Variants in PHF21B observed in about 807,000 individuals in gnomAD.
PHF21B encodes PHD finger protein 4.
In PHF21B, 22 loss-of-function variants were observed where a neutral mutation model predicts 62.2. The observed-to-expected ratio is 0.35, with a 90% CI of 0.25 to 0.51. The LOEUF (loss-of-function observed/expected upper bound fraction) is 0.51. Ranked by LOEUF, PHF21B falls within the 20% of genes least tolerant of loss-of-function variation. The pLI, the probability that PHF21B is intolerant of heterozygous loss-of-function variation, is 0.97. For synonymous variants in PHF21B, 341 were observed against 314.7 expected (o/e 1.08, Z -0.88); for missense variants, 701 against 707.9 (o/e 0.99, Z 0.11).
chr22:44,910,497 T>C (rs567342943), intron 5 of PHF21B, among the ~76,000 whole-genome samples: 10 of 152,280 alleles, frequency 6.6e-5, no homozygotes, highest in South Asian at 4.1e-4. Flanking sequence ...TGGGAGGTAA[T>C]TGAATCATGG....
chr22:44,940,702 A>C (rs1225191698), intron 2 of PHF21B, among the ~76,000 whole-genome samples: 1 of 152,232 alleles, frequency 6.6e-6, no homozygotes, highest in Non-Finnish European at 1.5e-5. Flanking sequence ...TTCCCCACCT[A>C]GAAGGCGAAG....
At chr22:45,008,899 CGAGT>C (rs552975270) in intron 1 of PHF21B, 189 of 1,166,536 alleles carry the variant, frequency 1.6e-4, no homozygotes, top group Admixed American at 9.8e-4. Context: ...GGTGCGTGTG[CGAGT>C]GAGTGTGAGT....
In PHF21B at chr22:44,893,524, C is replaced by T; in HGVS notation, c.893G>A (p.Ser298Asn). The change falls in exon 7 of 13, where the codon AGC becomes AAC. Residue 298 changes from serine to asparagine, a missense_variant. Physicochemically the swap from Ser to Asn is conservative, Grantham distance 46 (BLOSUM62 1). Coordinates refer to ENST00000313237, the MANE Select transcript of PHF21B (RefSeq NM_138415.5). ...VTTEHLEEIQ[S>N]KRQERKRRST... The stretch of plus-strand genomic sequence containing the variant: ...TCTTCTCTTCCGCTCCTGTCGCTTG[C>T]TCTGGATTTCTGGAAAGGCACAGAC... 6.2e-7 allele frequency: 1 copy of T among 1,600,640 alleles called. No homozygotes were observed. Among genetic ancestry groups the T allele is most frequent in the South Asian group, 1.1e-5 (1 of 88,460 alleles).
chr22:44,899,876 A>G (rs1469505612), intron 5 of PHF21B, among the ~76,000 whole-genome samples: 1 of 152,204 alleles, frequency 6.6e-6, no homozygotes, highest in Non-Finnish European at 1.5e-5. Flanking sequence ...TATTGTCTGC[A>G]GCTTTTTCAG....
At chr22:44,983,637 A>AT (rs2147482180) in intron 2 of PHF21B, among the ~76,000 whole-genome samples, 1 of 152,348 alleles carries the variant, frequency 6.6e-6, no homozygotes, top group East Asian at 1.9e-4. Flanking sequence ...TTTAAAAGAC[A>AT]TAAGTTTGAA....
chr22:44,937,233 C>T (rs776635954), intron 2 of PHF21B, among the ~76,000 whole-genome samples: 5 of 152,186 alleles, frequency 3.3e-5, no homozygotes, highest in Non-Finnish European at 5.9e-5. Flanking sequence ...CATCAAAACA[C>T]ACCCAGACAA....
chr22:44,917,345 T>G (rs547769938), intron 3 of PHF21B, among the ~76,000 whole-genome samples: 96 of 152,254 alleles, frequency 6.3e-4, no homozygotes, highest in African/African-American at 2.1e-3. Flanking sequence ...GCACAGGAAG[T>G]GCTGGGTGTA....
Position 44,990,132 on chromosome 22 carries a change from G to A in PHF21B, c.120+18413C>T, listed in dbSNP as rs571137412. Among the ~76,000 whole-genome samples, 170 of 152,284 alleles carry A rather than the reference G, an allele frequency of 1.1e-3. 2 individuals are homozygous for A. The highest frequency in any genetic ancestry group is 4.0e-3 in the African/African-American group (168 of 41,566). ...AGCAGAGAGGCACTCAAATTCCCTG[G>A]CAGGATGTGATATCAAAACCATGGC... On this transcript the variant is annotated intron_variant, in intron 2 of 12. Coordinates refer to ENST00000313237, the MANE Select transcript of PHF21B (RefSeq NM_138415.5).
At chr22:44,991,229 G>A (rs559127346) in intron 2 of PHF21B, among the ~76,000 whole-genome samples, 136 of 152,310 alleles carry the variant, frequency 8.9e-4, no homozygotes, top group African/African-American at 3.0e-3. Flanking sequence ...AGGCAAAAAA[G>A]CTTGATGTGC....
At chr22:44,914,354 C>A (rs1345551970) in intron 4 of PHF21B, among the ~76,000 whole-genome samples, 1 of 152,180 alleles carries the variant, frequency 6.6e-6, no homozygotes, top group Non-Finnish European at 1.5e-5. Flanking sequence ...CCAGTCCTGC[C>A]CCACCGCTTC....
At chr22:44,993,652 G>A (rs953187543) in intron 2 of PHF21B, among the ~76,000 whole-genome samples, 4 of 152,240 alleles carry the variant, frequency 2.6e-5, no homozygotes, top group African/African-American at 9.6e-5. Flanking sequence ...CTTCACAGAT[G>A]AGAAAAATCG....
In PHF21B at chr22:44,914,005, GGGAGGGGTGAGGGGAAGAGA is replaced by G. The variant is rs750670617; in HGVS notation, c.628_647del (p.Ser210LeufsTer125). 3 of 1,535,124 alleles carry G rather than the reference GGGAGGGGTGAGGGGAAGAGA, an allele frequency of 2.0e-6. No individual in the cohort carries two copies. The highest frequency in any genetic ancestry group is 2.2e-5 in the South Asian group (2 of 88,916). On this transcript the variant is annotated frameshift_variant, in exon 5 of 13. Transcript: ENST00000313237. LOFTEE classifies it high-confidence loss of function. ...GGGGTGAAGGGGACAGTGATGGGGA[GGGAGGGGTGAGGGGAAGAGA>G]GGAGGGGTGGAGGGGACAGTGATGG...
At chr22:44,919,190 C>T (rs563977829) in intron 3 of PHF21B, among the ~76,000 whole-genome samples, 4 of 144,854 alleles carry the variant, frequency 2.8e-5, no homozygotes, top group Middle Eastern at 3.5e-3. Context: ...GCTCCCGCCC[C>T]GCAGTGTCTC....
Position 44,943,020 on chromosome 22 carries a change from G to A in PHF21B, c.121-22530C>T, listed in dbSNP as rs181413333. ...ACCCCCCCCCCCCCATCCTCAGAAG[G>A]GCTGACCAAAGCCAAGAGCACACAA... On this transcript the variant is annotated intron_variant, in intron 2 of 12. Transcript: ENST00000313237. Among the ~76,000 whole-genome samples, 384 of 150,102 alleles carry A rather than the reference G, an allele frequency of 2.6e-3. 4 individuals are homozygous for A. The highest frequency in any genetic ancestry group is 6.8e-3 in the Middle Eastern group (2 of 292).
intron 2 of PHF21B, among the ~76,000 whole-genome samples, chr22:45,003,863 A>G (rs1421172224): frequency 1.3e-5 from 2 of 152,250 alleles, no homozygotes; most frequent in Non-Finnish European, 2.9e-5. Context: ...AGCCTGAATC[A>G]TTAAGTGCAA....
At chr22:44,960,484 C>G (rs529768032) in intron 2 of PHF21B, among the ~76,000 whole-genome samples, 5 of 152,174 alleles carry the variant, frequency 3.3e-5, no homozygotes, top group African/African-American at 1.2e-4. Flanking sequence ...GCTGTCTGCA[C>G]CCATATTAAG....
At chr22:44,960,231 C>G (rs2072390463) in intron 2 of PHF21B, among the ~76,000 whole-genome samples, 1 of 152,226 alleles carries the variant, frequency 6.6e-6, no homozygotes, top group Non-Finnish European at 1.5e-5. Context: ...CCATTTCCTG[C>G]TGATCTTCAG....
intron 2 of PHF21B, among the ~76,000 whole-genome samples, chr22:44,943,816 C>T (rs1006067308): frequency 5.9e-5 from 9 of 152,114 alleles, no homozygotes; most frequent in Non-Finnish European, 1.5e-5. Flanking sequence ...CCAGCGGCAC[C>T]CTGGCACCAT....
At chr22:44,949,774 G>A (rs996410113) in intron 2 of PHF21B, among the ~76,000 whole-genome samples, 5 of 152,198 alleles carry the variant, frequency 3.3e-5, no homozygotes, top group African/African-American at 4.8e-5. Flanking sequence ...AACAGACCTC[G>A]TGAGTTAAAG....
Sources: allele counts gnomAD v4.1 joint callset (sites outside exome capture counted in the v4.1 genomes callset), GRCh38; gene constraint gnomAD v4.1.1; transcripts MANE v1.5; gene names NCBI Gene and HGNC (gene_info 2026-07-23, HGNC 2026-07-21).